The following ADAMTS12 variants were observed in gnomAD, a reference collection of about 807,000 sequenced individuals.
The protein encoded by ADAMTS12 is A disintegrin and metalloproteinase with thrombospondin motifs 12.
ADAMTS12 carries 118 observed loss-of-function variants against 167.8 expected under a neutral mutation model. The observed-to-expected ratio is 0.70, with a 90% CI of 0.61 to 0.82. ADAMTS12 has a LOEUF of 0.82. ADAMTS12 is among the 40% of genes least tolerant of loss of function. ADAMTS12 has a pLI of 0.00. For missense variants in ADAMTS12, 1,916 were observed against 1,998.8 expected (o/e 0.96, Z 0.79); for synonymous variants, 704 against 716.9 (o/e 0.98, Z 0.29).
At chr5:33,728,085 G>A (rs1744051475) in intron 3 of ADAMTS12, among the ~76,000 whole-genome samples, 3 of 152,142 alleles carry the variant, frequency 2.0e-5, no homozygotes, top group Admixed American at 2.0e-4. Context: ...GAGTGTCCCT[G>A]AAATGCACAG....
intron 2 of ADAMTS12, among the ~76,000 whole-genome samples, chr5:33,851,115 A>G (rs1749205772): frequency 6.6e-6 from 1 of 152,210 alleles, no homozygotes; most frequent in South Asian, 2.1e-4. Context: ...CTAAGCTAGC[A>G]ATAAAAATAA....
At chr5:33,649,735 G>A in intron 7 of ADAMTS12, 38 bp from the exon 8 acceptor site, 1 of 1,608,608 alleles carries the variant, frequency 6.2e-7, no homozygotes, top group Non-Finnish European at 8.5e-7. Flanking sequence ...GAGCCAGCAG[G>A]CAGGCATTAA....
chr5:33,852,623 A>G (rs1441239888), intron 2 of ADAMTS12, among the ~76,000 whole-genome samples: 7 of 152,326 alleles, frequency 4.6e-5, no homozygotes, highest in Middle Eastern at 6.8e-3. Flanking sequence ...GAATGTCTAC[A>G]TGGAAATGTG....
chr5:33,872,555 AAAAG>A (rs1443789944), intron 2 of ADAMTS12, among the ~76,000 whole-genome samples: 1 of 151,850 alleles, frequency 6.6e-6, no homozygotes, highest in East Asian at 1.9e-4. Context: ...TGAAAAAAAA[AAAAG>A]AAAGAAAGAA....
rs1466788210 is a variant in ADAMTS12, at chr5:33,588,898, G to C, written c.2655-89C>G. On this transcript the variant is annotated intron_variant, in intron 17 of 23. Coordinates refer to ENST00000504830, the MANE Select transcript of ADAMTS12 (RefSeq NM_030955.4). ...CTGAGAAAGCAGGGGCAGAAATGCA[G>C]ATCACAGGGCTGGAAGGGCCATGGA... 9 of 1,504,074 alleles carry C rather than the reference G, an allele frequency of 6.0e-6. No homozygotes were observed. The African/African-American group carries it at 1.2e-4, about 21-fold the overall frequency. 93.2% of individuals were successfully genotyped at this position (1,504,074 alleles called of 1,614,324 possible). A position where few individuals can be genotyped will look rare whatever the true frequency, so the allele number is the denominator to read the frequency against.
chr5:33,703,104 A>T, intron 3 of ADAMTS12, among the ~76,000 whole-genome samples: 1 of 152,160 alleles, frequency 6.6e-6, no homozygotes, highest in East Asian at 1.9e-4. Flanking sequence ...TCACCAATAA[A>T]ACCATTTCTG....
intron 22 of ADAMTS12, among the ~76,000 whole-genome samples, chr5:33,537,737 T>C (rs16891300): frequency 4.6e-5 from 7 of 152,300 alleles, no homozygotes; most frequent in Admixed American, 1.3e-4. Context: ...TGACTGCCAA[T>C]AGACTGCCAA....
intron 1 of ADAMTS12, among the ~76,000 whole-genome samples, chr5:33,890,986 C>T (rs1750821171): frequency 6.6e-6 from 1 of 152,132 alleles, no homozygotes; most frequent in African/African-American, 2.4e-5. Flanking sequence ...AATGAACCCC[C>T]CACCAAACAT....
At chr5:33,879,998 C>T (rs926398378) in intron 2 of ADAMTS12, among the ~76,000 whole-genome samples, 1 of 152,204 alleles carries the variant, frequency 6.6e-6, no homozygotes, top group Admixed American at 6.5e-5. Context: ...TAACCACTTT[C>T]GAGACTCTGG....
chr5:33,739,670 T>C (rs1381206888), intron 3 of ADAMTS12, among the ~76,000 whole-genome samples: 1 of 152,160 alleles, frequency 6.6e-6, no homozygotes, highest in Non-Finnish European at 1.5e-5. Context: ...CCCGTGATGA[T>C]GAGCTAGACA....
At chr5:33,767,385 T>C (rs1305148775) in intron 2 of ADAMTS12, among the ~76,000 whole-genome samples, 1 of 152,214 alleles carries the variant, frequency 6.6e-6, no homozygotes, top group African/African-American at 2.4e-5. Context: ...CATTTGCTAC[T>C]GCTTTTCTTT....
intron 19 of ADAMTS12, among the ~76,000 whole-genome samples, chr5:33,567,557 T>C (rs1304890999): frequency 1.3e-5 from 2 of 152,178 alleles, no homozygotes; most frequent in Non-Finnish European, 2.9e-5. Flanking sequence ...ATCCGCATTC[T>C]GTAGGGCATG....
chr5:33,767,547 A>G (rs1485162595), intron 2 of ADAMTS12, among the ~76,000 whole-genome samples: 1 of 152,176 alleles, frequency 6.6e-6, no homozygotes, highest in Non-Finnish European at 1.5e-5. Context: ...TTCATTGGTA[A>G]CATGTTTTAA....
chr5:33,577,185 C>A (rs1226901960), intron 18 of ADAMTS12, 25 bp from the exon 19 acceptor site: 1 of 1,613,772 alleles, frequency 6.2e-7, no homozygotes, highest in Admixed American at 1.7e-5. Context: ...CAGCTGTTAG[C>A]CTGGCGAGAG....
Position 33,798,188 on chromosome 5 carries a change from A to T in ADAMTS12, c.490-46640T>A, listed in dbSNP as rs894215742. Among the ~76,000 whole-genome samples the T allele has an allele frequency of 2.7e-5, 4 of 146,580 alleles. No individual in the cohort carries two copies. The Admixed American group carries it at 2.7e-4, about 10-fold the overall frequency. On this transcript the variant is annotated intron_variant, in intron 2 of 23. Transcript: ENST00000504830. ...AGATGCCTACTTACACTCTCATGAC[A>T]TTTTTTTTTTTTAATTTCCAAGGGT...
chr5:33,746,066 T>C lies in ADAMTS12; in HGVS notation c.634+5338A>G, dbSNP rs113153991. On this transcript the variant is annotated intron_variant, in intron 3 of 23. Coordinates refer to ENST00000504830, the MANE Select transcript of ADAMTS12 (RefSeq NM_030955.4). The stretch of plus-strand genomic sequence containing the variant: ...AAAATAAAAAACAAATATAGAGCAA[T>C]AATTAAAATGTTCGCTATCTCATAG... Among the ~76,000 whole-genome samples, 776 of 152,206 alleles carry C rather than the reference T, an allele frequency of 5.1e-3. 13 individuals carry two copies. The highest frequency in any genetic ancestry group is 0.016 in the African/African-American group (685 of 41,534).
At chr5:33,891,635 A>G in intron 1 of ADAMTS12, 95 bp downstream of exon 1, 1 of 1,565,990 alleles carries the variant, frequency 6.4e-7, no homozygotes, top group Non-Finnish European at 8.7e-7. Context: ...TTCAGAGTTC[A>G]GTTCTGCCGG....
At chr5:33,737,969 C>A (rs1307722698) in intron 3 of ADAMTS12, among the ~76,000 whole-genome samples, 1 of 152,134 alleles carries the variant, frequency 6.6e-6, no homozygotes, top group Non-Finnish European at 1.5e-5. Flanking sequence ...TAGTCATTTG[C>A]CCAAGGACAG....
rs1750432724 is a variant in ADAMTS12 at position 33,881,312 on chromosome 5, T to C, written c.296A>G (p.Glu99Gly). 1 of 1,614,186 alleles carries C rather than the reference T, an allele frequency of 6.2e-7. No individual in the cohort carries two copies. The highest frequency in any genetic ancestry group is 2.2e-5 in the East Asian group (1 of 44,880). Reference protein sequence around the residue: ...DWVYYRISHEEKDLFFNLTVN... With the variant: ...DWVYYRISHEGKDLFFNLTVN... ...CGTCAAGTTAAAAAACAGGTCCTTC[T>C]CCTCGTGAGAAATTCTGTAGTACAC... Residue 99 changes from glutamate (E) to glycine (G), a missense_variant, in exon 2 of 24, where the codon GAG becomes GGG. Transcript: ENST00000504830.
Sources: allele counts gnomAD v4.1 joint callset (sites outside exome capture counted in the v4.1 genomes callset), GRCh38; gene constraint gnomAD v4.1.1; transcripts MANE v1.5; gene names NCBI Gene and HGNC (gene_info 2026-07-23, HGNC 2026-07-21).